The following EED variants were observed in gnomAD, a reference collection of about 807,000 sequenced individuals.
The protein encoded by EED is polycomb protein EED.
In EED, 9 loss-of-function variants were observed where a neutral mutation model predicts 61.0. The ratio of observed to expected loss-of-function variants is 0.15; its 90% CI spans 0.09 to 0.26. The LOEUF (loss-of-function observed/expected upper bound fraction) is 0.26, where lower values mean the gene tolerates loss of function less well. Among genes scored for constraint, EED ranks in the 10% least tolerant of loss-of-function variants. The probability of loss-of-function intolerance (pLI) is 1.00; values close to 1 mark genes in which losing one functional copy is unlikely to be tolerated. For missense variants in EED, 315 were observed against 542.3 expected (o/e 0.58, Z 4.16); for synonymous variants, 187 against 174.4 (o/e 1.07, Z -0.57).
At chr11:86,278,111 T>G in intron 11 of EED, 120 bp downstream of exon 11, 2 of 1,372,130 alleles carry the variant, frequency 1.5e-6, no homozygotes, top group Non-Finnish European at 1.9e-6. Flanking sequence ...ACATTTACTG[T>G]TTTCAGAGTT....
In EED at chr11:86,266,354, C is replaced by A. The variant is rs919874361; in HGVS notation, c.860+138C>A. 3.4e-5 allele frequency: 23 copies of A among 681,612 alleles called. 1 individual carries two copies. In the African/African-American group the frequency reaches 4.0e-4, roughly 12 times the overall value. 42.2% of individuals were successfully genotyped at this position (681,612 alleles called of 1,614,324 possible). A position where few individuals can be genotyped will look rare whatever the true frequency, so the allele number is the denominator to read the frequency against. On this transcript the variant is annotated intron_variant, in intron 8 of 11. Transcript: ENST00000263360. ...TTAACTTTAAGGGACAATTTACATA[C>A]TGTAAAATTCACCCCTTTAAGAAGT...
chr11:86,262,485 A>G (rs141826305), intron 6 of EED, among the ~76,000 whole-genome samples: 6 of 152,232 alleles, frequency 3.9e-5, no homozygotes, highest in African/African-American at 1.4e-4. Flanking sequence ...TTTTGAGGCA[A>G]GGTCTCATTC....
At chr11:86,258,979 G>A (rs1205748207) in intron 6 of EED, among the ~76,000 whole-genome samples, 3 of 151,842 alleles carry the variant, frequency 2.0e-5, no homozygotes, top group Non-Finnish European at 4.4e-5. Context: ...TGATTCTCCT[G>A]CCTGACCCTC....
At chr11:86,257,993 C>G (rs1224453232) in intron 6 of EED, among the ~76,000 whole-genome samples, 1 of 152,068 alleles carries the variant, frequency 6.6e-6, no homozygotes, top group Admixed American at 6.6e-5. Flanking sequence ...TCCATATAAA[C>G]ATCTTTTATT....
At chr11:86,278,242 A>C in intron 11 of EED, 157 bp from the exon 12 acceptor site, 9 of 1,342,502 alleles carry the variant, frequency 6.7e-6, no homozygotes, top group Non-Finnish European at 8.6e-6. Flanking sequence ...TCTAAATTTT[A>C]TAAAATTTGA....
chr11:86,257,517 C>G lies in EED; in HGVS notation c.555C>G (p.His185Gln). ...INPITMQCIK[H>Q]YVGHGNAINE... is the part of the protein sequence containing the mutation. ...GAAATGTTTTAAATTTATTGTAGCA[C>G]TATGTTGGCCATGGAAATGCTATCA... is the stretch of plus-strand genomic sequence containing the variant. Residue 185 changes from histidine to glutamine, a missense_variant and splice_region_variant, in exon 6 of 12, where the codon CAC becomes CAG. His to Gln is a conservative substitution (Grantham distance 24). Around this residue, in one of 2 missense-constraint regions of EED, gnomAD observed 205 missense variants for 455.4 expected, o/e 0.45. Transcript: ENST00000263360. The G allele has an allele frequency of 6.2e-7, 1 of 1,607,068 alleles. No homozygotes were observed. Among genetic ancestry groups the G allele is most frequent in the Non-Finnish European group, 8.5e-7 (1 of 1,177,266 alleles).
At position 86,263,547 on chromosome 11, in the gene EED, A is replaced by G. The variant is rs552771292; in HGVS notation, c.635-625A>G. ...CTTTTCTATTGCTCAGGCTTCACTA[A>G]TTTTTAAATTTTTTGTTGAGACAGG... is the stretch of plus-strand genomic sequence containing the variant. On this transcript the variant is annotated intron_variant, in intron 6 of 11. Coordinates refer to ENST00000263360, the MANE Select transcript of EED (RefSeq NM_003797.5). 9.1e-4 allele frequency among the ~76,000 whole-genome samples: 139 copies of G among 152,296 alleles called. 5 individuals carry two copies. The South Asian group carries it at 0.027, about 30-fold the overall frequency.
downstream of EED, among the ~76,000 whole-genome samples, chr11:86,283,079 C>A (rs1019417287): frequency 7.2e-5 from 11 of 152,076 alleles, no homozygotes; most frequent in Admixed American, 2.0e-4. Flanking sequence ...AGGCAGTTGG[C>A]TAGATTCTGT....
chr11:86,250,532 C>T, intron 2 of EED, 84 bp downstream of exon 2: 2 of 1,353,768 alleles, frequency 1.5e-6, no homozygotes, highest in Non-Finnish European at 9.7e-7. Flanking sequence ...ACTCAGGATA[C>T]TCTGTCAAGT....
chr11:86,254,956 A>C (rs548421172), intron 3 of EED, among the ~76,000 whole-genome samples: 10 of 152,188 alleles, frequency 6.6e-5, no homozygotes, highest in Non-Finnish European at 1.3e-4. Flanking sequence ...GGGTTTTGCT[A>C]TGTTGCCTAG....
chr11:86,257,683 G>GA (rs1165826322), intron 6 of EED, 87 bp downstream of exon 6: 2 of 1,058,878 alleles, frequency 1.9e-6, no homozygotes, highest in Non-Finnish European at 1.4e-6. Flanking sequence ...TGACAAATAG[G>GA]AAAAACCATG....
downstream of EED, among the ~76,000 whole-genome samples, chr11:86,279,741 T>G (rs1946302068): frequency 6.6e-6 from 1 of 152,260 alleles, no homozygotes; most frequent in African/African-American, 2.4e-5. Flanking sequence ...TTGAGCTATC[T>G]CTGAAGCACA....
intron 9 of EED, among the ~76,000 whole-genome samples, chr11:86,269,854 T>C (rs1946070555): frequency 1.3e-5 from 2 of 152,312 alleles, no homozygotes; most frequent in Admixed American, 6.5e-5. Context: ...TATTGCTGAG[T>C]AGTATTCCAT....
intron 9 of EED, chr11:86,270,229 C>T (rs1166417947): frequency 1.3e-5 from 8 of 592,998 alleles, no homozygotes; most frequent in Non-Finnish European, 2.2e-5. Context: ...TCTTAATTTG[C>T]ATTTCCCTGA....
At chr11:86,258,262 T>C (rs1290948861) in intron 6 of EED, among the ~76,000 whole-genome samples, 1 of 152,240 alleles carries the variant, frequency 6.6e-6, no homozygotes, top group African/African-American at 2.4e-5. Context: ...AAATACTACA[T>C]ATGAAAATTC....
chr11:86,279,931 A>ATACTGTCATAT (rs1365513112), downstream of EED, among the ~76,000 whole-genome samples: 2 of 152,218 alleles, frequency 1.3e-5, no homozygotes, highest in Non-Finnish European at 2.9e-5. Flanking sequence ...AAGACAAGGA[A>ATACTGTCATAT]TACTGTCATA....
chr11:86,285,970 T>C, the EED span, among the ~76,000 whole-genome samples: 3 of 152,160 alleles, frequency 2.0e-5, no homozygotes, highest in Non-Finnish European at 2.9e-5. Flanking sequence ...AGAATTGATA[T>C]TTGTGTCTCA....
intron 6 of EED, among the ~76,000 whole-genome samples, chr11:86,258,496 G>A (rs112331911): frequency 6.0e-5 from 9 of 150,524 alleles, no homozygotes; most frequent in South Asian, 2.1e-4. Flanking sequence ...TGTATAGACC[G>A]TAATGCCTCA....
At position 86,266,497 on chromosome 11, in the gene EED, T is replaced by C. The variant is rs186659843; in HGVS notation, c.860+281T>C. Among the ~76,000 whole-genome samples, 640 of 152,268 alleles carry C rather than the reference T, an allele frequency of 4.2e-3. 5 individuals are homozygous for C. Among genetic ancestry groups the C allele is most frequent in the African/African-American group, 0.014 (602 of 41,580 alleles). ...TTTGGTATGCATATGCTTGGCCTTTTAAGTTATAAATGTAAAAGTTTTAAA... is the reference window on the plus strand; with the variant it reads ...TTTGGTATGCATATGCTTGGCCTTTCAAGTTATAAATGTAAAAGTTTTAAA... On this transcript the variant is annotated intron_variant, in intron 8 of 11. Transcript: ENST00000263360.
Sources: gnomAD v4.1 joint callset for allele counts (sites outside exome capture counted in the v4.1 genomes callset) on GRCh38, gnomAD v4.1.1 for gene constraint, gnomAD v4.1.1 regional missense constraint, MANE v1.5 for transcripts, NCBI Gene and HGNC (gene_info 2026-07-23, HGNC 2026-07-21) for gene names.